The following CELF4 variants were observed in gnomAD, a reference collection of about 807,000 sequenced individuals.
The protein encoded by CELF4 is CUG-BP- and ETR-3-like factor 4.
CELF4 carries 18 observed loss-of-function variants against 59.9 expected under a neutral mutation model. That is an observed-to-expected ratio of 0.30 (90% CI 0.21 to 0.45). The LOEUF is 0.45. CELF4 is among the 20% of genes least tolerant of loss of function. CELF4 has a pLI of 1.00. For missense variants in CELF4, 456 were observed against 689.0 expected (o/e 0.66, Z 3.79); for synonymous variants, 261 against 267.1 (o/e 0.98, Z 0.22).
chr18:37,324,807 C>T (rs1354484802), intron 2 of CELF4, among the ~76,000 whole-genome samples: 2 of 152,180 alleles, frequency 1.3e-5, no homozygotes, highest in Admixed American at 6.5e-5. Flanking sequence ...CACAACTTCT[C>T]CTGTGATGTA....
chr18:37,383,331 C>T (rs934091539), intron 2 of CELF4, among the ~76,000 whole-genome samples: 1 of 152,162 alleles, frequency 6.6e-6, no homozygotes, highest in Non-Finnish European at 1.5e-5. Context: ...ATGGCCCTGT[C>T]CCTGTCCTGG....
At chr18:37,332,854 C>T (rs2097592337) in intron 2 of CELF4, among the ~76,000 whole-genome samples, 2 of 152,208 alleles carry the variant, frequency 1.3e-5, no homozygotes, top group Non-Finnish European at 2.9e-5. Context: ...TCCCTGAGGC[C>T]CTCACTGCCA....
chr18:37,539,119 G>A (rs1047436451), intron 1 of CELF4, among the ~76,000 whole-genome samples: 4 of 152,158 alleles, frequency 2.6e-5, no homozygotes, highest in East Asian at 3.9e-4. Context: ...CTGCTCCTGC[G>A]CAGCAAACAC....
intron 2 of CELF4, among the ~76,000 whole-genome samples, chr18:37,349,892 A>AG (rs2093297824): frequency 6.6e-6 from 1 of 152,138 alleles, no homozygotes; most frequent in Admixed American, 6.5e-5. Context: ...TGCACTGAAA[A>AG]GGGGAGCCGG....
At chr18:37,430,774 T>C (rs2099644425) in intron 2 of CELF4, among the ~76,000 whole-genome samples, 1 of 152,310 alleles carries the variant, frequency 6.6e-6, no homozygotes, top group Middle Eastern at 3.4e-3. Flanking sequence ...CCCCCTCTAG[T>C]TGTGTCTCCC....
chr18:37,520,808 G>T (rs1569569735), intron 1 of CELF4, among the ~76,000 whole-genome samples: 1 of 152,158 alleles, frequency 6.6e-6, no homozygotes, highest in Non-Finnish European at 1.5e-5. Flanking sequence ...CTAGCACACT[G>T]CTATGCTCAC....
intron 2 of CELF4, among the ~76,000 whole-genome samples, chr18:37,447,527 A>G (rs2099751386): frequency 6.6e-6 from 1 of 151,876 alleles, no homozygotes; most frequent in South Asian, 2.1e-4. Flanking sequence ...AGCTGGAGGG[A>G]GCGACCCGTT....
chr18:37,447,396 G>A (rs1489585730), intron 2 of CELF4, among the ~76,000 whole-genome samples: 1 of 152,230 alleles, frequency 6.6e-6, no homozygotes, highest in Non-Finnish European at 1.5e-5. Flanking sequence ...CACAGGGAAG[G>A]ATGGTGACTT....
intron 1 of CELF4, among the ~76,000 whole-genome samples, chr18:37,544,152 CT>C (rs5824075): frequency 0.093 from 12,739 of 137,626 alleles, 743 homozygotes; most frequent in Admixed American, 0.2. Context: ...CTTTTACTTC[CT>C]TTTTTTTTTT....
At chr18:37,320,925 C>T (rs895075191) in intron 3 of CELF4, among the ~76,000 whole-genome samples, 5 of 151,762 alleles carry the variant, frequency 3.3e-5, no homozygotes, top group African/African-American at 7.3e-5. Context: ...AGCTGGTGCC[C>T]GGGTAGGGGA....
intron 2 of CELF4, among the ~76,000 whole-genome samples, chr18:37,353,663 G>A (rs114664149): frequency 0.014 from 2,100 of 148,438 alleles, 65 homozygotes; most frequent in African/African-American, 0.051. Context: ...GTGGGGGACT[G>A]GGGATGAGGG....
intron 3 of CELF4, among the ~76,000 whole-genome samples, chr18:37,313,225 C>T (rs1156499341): frequency 1.3e-5 from 2 of 152,142 alleles, no homozygotes; most frequent in Non-Finnish European, 1.5e-5. Context: ...TGGGAGGAGG[C>T]TCTTAGTTTC....
chr18:37,410,143 AGAG>A (rs1285145868), intron 2 of CELF4, among the ~76,000 whole-genome samples: 1 of 152,128 alleles, frequency 6.6e-6, no homozygotes, highest in African/African-American at 2.4e-5. Context: ...AAGGACAGAA[AGAG>A]GAGAAGAGCA....
intron 2 of CELF4, among the ~76,000 whole-genome samples, chr18:37,457,902 C>T (rs2099782841): frequency 6.6e-6 from 1 of 152,180 alleles, no homozygotes; most frequent in African/African-American, 2.4e-5. Context: ...CACAATCTGG[C>T]TCCCACACAC....
chr18:37,307,919 A>G (rs580548), intron 3 of CELF4, among the ~76,000 whole-genome samples: 82,655 of 152,070 alleles, frequency 0.54, 23,043 homozygotes, highest in African/African-American at 0.67. Context: ...GACCAACAAC[A>G]TGGAGCTGGG....
At chr18:37,505,485 G>A (rs1320496250) in intron 1 of CELF4, among the ~76,000 whole-genome samples, 1 of 152,184 alleles carries the variant, frequency 6.6e-6, no homozygotes, top group Non-Finnish European at 1.5e-5. Context: ...TTCAGGCACA[G>A]TGGGCTTTTG....
chr18:37,533,522 C>T (rs2099971152), intron 1 of CELF4, among the ~76,000 whole-genome samples: 1 of 152,084 alleles, frequency 6.6e-6, no homozygotes, highest in Non-Finnish European at 1.5e-5. Context: ...ATGTGGAGCC[C>T]CCAAGCTCAT....
At chr18:37,363,076 C>A (rs906278240) in intron 2 of CELF4, among the ~76,000 whole-genome samples, 2 of 152,196 alleles carry the variant, frequency 1.3e-5, no homozygotes, top group African/African-American at 2.4e-5. Context: ...CTTGGGCACA[C>A]CCCTGAAGAG....
At chr18:37,534,538 A>C (rs965178731) in intron 1 of CELF4, among the ~76,000 whole-genome samples, 8 of 152,234 alleles carry the variant, frequency 5.3e-5, no homozygotes, top group Non-Finnish European at 2.9e-5. Context: ...TCACTTACAG[A>C]AACTGATTTC....
Sources: gnomAD v4.1 joint callset for allele counts (sites outside exome capture counted in the v4.1 genomes callset) on GRCh38, gnomAD v4.1.1 for gene constraint, MANE v1.5 for transcripts, NCBI Gene and HGNC (gene_info 2026-07-23, HGNC 2026-07-21) for gene names.